The following JOSD1 variants were observed in gnomAD, a reference collection of about 807,000 sequenced individuals.
The protein encoded by JOSD1 is josephin-1.
Under a neutral mutation model 24.3 loss-of-function variants are expected in JOSD1, and 11 were observed. The observed-to-expected ratio is 0.45, with a 90% CI of 0.29 to 0.75. The LOEUF (loss-of-function observed/expected upper bound fraction) is 0.75. Among genes scored for constraint, JOSD1 ranks in the 30% least tolerant of loss-of-function variants. JOSD1 has a pLI of 0.11. For synonymous variants in JOSD1, 106 were observed against 93.8 expected (o/e 1.13, Z -0.75); for missense variants, 184 against 253.5 (o/e 0.73, Z 1.86).
chr22:38,693,645 T>C (rs1414476035), intron 2 of JOSD1, among the ~76,000 whole-genome samples: 5 of 152,304 alleles, frequency 3.3e-5, no homozygotes, highest in Admixed American at 1.3e-4. Context: ...AGTGGTATGA[T>C]TGTGGCTCAC....
At position 38,686,555 on chromosome 22, in the gene JOSD1, C is replaced by G. The variant is rs571584729; in HGVS notation, c.*1347G>C. The stretch of plus-strand genomic sequence containing the variant: ...AAAGTTACAAGAGAAAAGTGGCCTA[C>G]AACTATCTGAAGAGGTAGGGGCGGG... On this transcript the variant is annotated 3_prime_UTR_variant, in exon 5 of 5. Transcript: ENST00000683374. 4.5e-4 allele frequency: 69 copies of G among 152,350 alleles called. No homozygotes were observed. Among genetic ancestry groups the G allele is most frequent in the African/African-American group, 1.7e-3 (69 of 41,558 alleles). The allele number at this position is 152,350 out of a possible 1,614,324, so 9.4% of individuals were successfully genotyped here.
In JOSD1 at chr22:38,700,008, G is replaced by T; in HGVS notation, c.-21C>A. On this transcript the variant is annotated 5_prime_UTR_variant, in exon 2 of 5. In the 5' UTR this introduces an upstream ATG that the reference lacks. Coordinates refer to ENST00000683374, the MANE Select transcript of JOSD1 (RefSeq NM_001360236.2). ...CTCATGTTTTTTGTTTTAGGTTCCA[G>T]AGATGGCTATAAACACCCCACTCTT... is the stretch of plus-strand genomic sequence containing the variant. 1 of 1,573,520 alleles carries T rather than the reference G, an allele frequency of 6.4e-7. No homozygotes were observed. Among genetic ancestry groups the T allele is most frequent in the South Asian group, 1.2e-5 (1 of 84,488 alleles).
chr22:38,695,215 G>T (rs929041903), intron 2 of JOSD1, among the ~76,000 whole-genome samples: 4 of 152,132 alleles, frequency 2.6e-5, no homozygotes, highest in African/African-American at 9.7e-5. Flanking sequence ...TTGGACAAGA[G>T]AATTCAAGTC....
intron 2 of JOSD1, among the ~76,000 whole-genome samples, chr22:38,694,012 A>T (rs2092534397): frequency 6.6e-6 from 1 of 152,248 alleles, no homozygotes; most frequent in Non-Finnish European, 1.5e-5. Flanking sequence ...ATCCCTGGAT[A>T]GTTTTTTACT....
chr22:38,693,916 C>A (rs1379816182), intron 2 of JOSD1, among the ~76,000 whole-genome samples: 2 of 152,200 alleles, frequency 1.3e-5, no homozygotes, highest in East Asian at 3.8e-4. Flanking sequence ...ATGCCTGTTA[C>A]CTTGCCTGTA....
At chr22:38,688,055 C>G (rs2092505910) in intron 4 of JOSD1, 54 bp from the exon 5 acceptor site, 1 of 1,272,694 alleles carries the variant, frequency 7.9e-7, no homozygotes, top group Non-Finnish European at 1.1e-6. Flanking sequence ...AAATTCCAGT[C>G]TCAGGACCAC....
chr22:38,700,358 A>C lies in JOSD1; in HGVS notation c.-371T>G. On this transcript the variant is annotated 5_prime_UTR_variant, in exon 2 of 5. Transcript: ENST00000683374. ...TCCCTCTGCAAATGCCAGGCCTCAA[A>C]GCAGGAGGACCGAACACAATCGGTC... is the stretch of plus-strand genomic sequence containing the variant. 9.9e-7 allele frequency: 1 copy of C among 1,006,490 alleles called. No homozygotes were observed. The highest frequency in any genetic ancestry group is 1.2e-6 in the Non-Finnish European group (1 of 842,174). 62.3% of individuals were successfully genotyped at this position (1,006,490 alleles called of 1,614,324 possible).
chr22:38,692,767 G>A (rs1490862804), intron 2 of JOSD1, among the ~76,000 whole-genome samples: 1 of 81,382 alleles, frequency 1.2e-5, no homozygotes, highest in Non-Finnish European at 2.2e-5. Context: ...GGCAACAAGA[G>A]CAAAACTCTG....
chr22:38,697,168 T>C (rs1019273329), intron 2 of JOSD1, among the ~76,000 whole-genome samples: 2 of 152,280 alleles, frequency 1.3e-5, no homozygotes, highest in Non-Finnish European at 1.5e-5. Context: ...TGCAGGCAGC[T>C]AGTCAATGTT....
In JOSD1 at chr22:38,700,177, C is replaced by T; in HGVS notation, c.-190G>A. The T allele has an allele frequency of 7.8e-7, 1 of 1,289,680 alleles. No homozygotes were observed. The highest frequency in any genetic ancestry group is 3.1e-5 in the East Asian group (1 of 32,482). 79.9% of individuals were successfully genotyped at this position (1,289,680 alleles called of 1,614,324 possible). ...AAAAAATAAAACCCACCTCTTCTCT[C>T]TTCTCAATAGAAAAATAACTTTTGG... On this transcript the variant is annotated 5_prime_UTR_variant, in exon 2 of 5. Coordinates refer to ENST00000683374, the MANE Select transcript of JOSD1 (RefSeq NM_001360236.2).
intron 2 of JOSD1, among the ~76,000 whole-genome samples, chr22:38,696,791 C>T (rs886371808): frequency 7.9e-5 from 12 of 152,198 alleles, no homozygotes; most frequent in African/African-American, 2.7e-4. Context: ...AGTTCCTATT[C>T]ACTTGTAAGC....
At chr22:38,692,904 T>C (rs1382283599) in intron 2 of JOSD1, among the ~76,000 whole-genome samples, 1 of 151,920 alleles carries the variant, frequency 6.6e-6, no homozygotes, top group African/African-American at 2.4e-5. Context: ...CTGAAGTCTC[T>C]GACCAGTACA....
chr22:38,690,884 G>C (rs561799744), intron 2 of JOSD1, among the ~76,000 whole-genome samples: 1 of 152,180 alleles, frequency 6.6e-6, no homozygotes, highest in East Asian at 2.0e-4. Flanking sequence ...AGCCAGGCGT[G>C]GTGGTGCACG....
chr22:38,699,165 T>G (rs1450488914), intron 2 of JOSD1, among the ~76,000 whole-genome samples: 1 of 152,234 alleles, frequency 6.6e-6, no homozygotes, highest in East Asian at 1.9e-4. Context: ...GCTTTGCTAT[T>G]TAGAAGCTAT....
intron 2 of JOSD1, among the ~76,000 whole-genome samples, chr22:38,694,580 G>A (rs980723388): frequency 1.1e-4 from 16 of 152,082 alleles, no homozygotes; most frequent in African/African-American, 2.7e-4. Context: ...GTGAAAAGAC[G>A]GGCCAGGCGC....
chr22:38,700,375 C>T lies in JOSD1; in HGVS notation c.-388G>A. The stretch of plus-strand genomic sequence containing the variant: ...GGCCTCAAAGCAGGAGGACCGAACA[C>T]AATCGGTCACATCGCTCCTTTTCTT... On this transcript the variant is annotated 5_prime_UTR_variant, in exon 2 of 5. The change creates a new upstream start codon in the 5' untranslated region. Transcript: ENST00000683374. 1.5e-5 allele frequency: 15 copies of T among 993,088 alleles called. No individual in the cohort carries two copies. The highest frequency in any genetic ancestry group is 1.8e-5 in the Non-Finnish European group (15 of 835,622). The allele number at this position is 993,088 out of a possible 1,614,324, so 61.5% of individuals were successfully genotyped here. A position where few individuals can be genotyped will look rare whatever the true frequency, so the allele number is the denominator to read the frequency against.
At chr22:38,697,012 CTTT>C (rs1466089540) in intron 2 of JOSD1, among the ~76,000 whole-genome samples, 3 of 152,220 alleles carry the variant, frequency 2.0e-5, no homozygotes, top group South Asian at 2.1e-4. Flanking sequence ...TCACTTTTCA[CTTT>C]TTAATTGCTC....
chr22:38,689,045 C>A lies in JOSD1; in HGVS notation c.399G>T (p.Leu133=), dbSNP rs865886259. Residue 133 remains leucine, a synonymous_variant, in exon 4 of 5, where the codon CTG becomes CTT. Coordinates refer to ENST00000683374, the MANE Select transcript of JOSD1 (RefSeq NM_001360236.2). ...PSSLCWGPLK[L]PLKRQHWICV... is the part of the protein sequence containing the mutation. ...AGATCCAGTGCTGCCTTTTGAGGGG[C>A]AGTTTCAGTGGACCCCAGCATAGGC... is the stretch of plus-strand genomic sequence containing the variant. 1.9e-6 allele frequency: 3 copies of A among 1,614,178 alleles called. No individual in the cohort carries two copies. The Middle Eastern group carries it at 4.9e-4, about 266-fold the overall frequency.
intron 2 of JOSD1, among the ~76,000 whole-genome samples, 163 bp downstream of exon 2, chr22:38,699,640 A>G (rs1253004499): frequency 6.6e-6 from 1 of 152,232 alleles, no homozygotes; most frequent in Non-Finnish European, 1.5e-5. Flanking sequence ...TAAGTGCCTG[A>G]TAAATGGTAG....
Sources: allele counts gnomAD v4.1 joint callset (sites outside exome capture counted in the v4.1 genomes callset), GRCh38; gene constraint gnomAD v4.1.1; transcripts MANE v1.5; gene names NCBI Gene and HGNC (gene_info 2026-07-23, HGNC 2026-07-21).